Variants in PELP1 observed in about 807,000 individuals in gnomAD.
PELP1 encodes proline, glutamate and leucine rich protein 1.
Under a neutral mutation model 95.5 loss-of-function variants are expected in PELP1, and 32 were observed. That is an observed-to-expected ratio of 0.34 (90% CI 0.25 to 0.45). The LOEUF is 0.45. Ranked by LOEUF, PELP1 falls within the 20% of genes least tolerant of loss-of-function variation. PELP1 has a pLI of 1.00. For missense variants in PELP1, 1,358 were observed against 1,444.8 expected, an observed-to-expected ratio of 0.94 and a Z score of 0.97; for synonymous variants, 668 against 600.1, an observed-to-expected ratio of 1.11 and a Z score of -1.65.
intron 5 of PELP1, among the ~76,000 whole-genome samples, chr17:4,677,457 T>C (rs965306670): frequency 6.6e-6 from 1 of 152,244 alleles, no homozygotes; most frequent in Admixed American, 6.5e-5. Flanking sequence ...CCTTCACTTA[T>C]AAATGCAGAC....
rs767988567 is a variant in PELP1, at chr17:4,674,922, G to C, written c.1309C>G (p.Leu437Val). 2 of 1,613,292 alleles carry C rather than the reference G, an allele frequency of 1.2e-6. No homozygotes were observed. Among genetic ancestry groups the C allele is most frequent in the South Asian group, 1.1e-5 (1 of 91,060 alleles). ...GAGGCCCCACAAACCTGCACCCACA[G>C]CTCTAATATCGCATACACCTTGGTC... is the stretch of plus-strand genomic sequence containing the variant. ...VRTKVYAILE[L>V]WVQVCGASAG... The change falls in exon 12 of 17, where the codon CTG (leucine) becomes GTG (valine). Residue 437 changes from leucine to valine, a missense_variant. Physicochemically the swap from Leu to Val is conservative, Grantham distance 32. This residue lies in a region of PELP1 where 538 missense variants were observed against 628.1 expected (regional missense o/e 0.86). Coordinates refer to ENST00000572293, the MANE Select transcript of PELP1 (RefSeq NM_014389.3).
chr17:4,684,630 G>GA (rs397824310), intron 3 of PELP1, among the ~76,000 whole-genome samples: 3 of 378 alleles, frequency 7.9e-3, no homozygotes, highest in African/African-American at 0.011. Flanking sequence ...CCCACCACAT[G>GA]ACTCTTCCCA....
rs1232927236 is a variant in PELP1 at position 4,673,382 on chromosome 17, C to T, written c.1713G>A (p.Thr571=). Residue 571 remains threonine (T), a synonymous_variant, in exon 15 of 17, where the codon ACG becomes ACA. Coordinates refer to ENST00000572293, the MANE Select transcript of PELP1 (RefSeq NM_014389.3). This position sits in a 1 kb window ranked among gnomAD's most constrained non-coding sequence, Gnocchi z 5.7. The part of the protein sequence containing the change: ...QGEVLGSSPY[T]SSRCRRELYC... ...AGAGTTCACGGCGGCAGCGGGAGCTCGTGTACGGGGAGCTGCCTAGGACCT... is the reference window on the plus strand; with the variant it reads ...AGAGTTCACGGCGGCAGCGGGAGCTTGTGTACGGGGAGCTGCCTAGGACCT... 1.0e-5 allele frequency: 16 copies of T among 1,597,556 alleles called. No homozygotes were observed. Among genetic ancestry groups the T allele is most frequent in the Admixed American group, 1.7e-5 (1 of 57,292 alleles).
intron 7 of PELP1, 51 bp from the exon 8 acceptor site, chr17:4,676,213 CT>C: frequency 6.2e-7 from 1 of 1,602,566 alleles, no homozygotes; most frequent in Non-Finnish European, 8.5e-7. Flanking sequence ...ATCCCCTCCT[CT>C]GTCATTTCTG....
chr17:4,674,539 T>C lies in PELP1; in HGVS notation c.1553A>G (p.Asn518Ser), dbSNP rs767245206. 1 of 1,613,258 alleles carries C rather than the reference T, an allele frequency of 6.2e-7. No homozygotes were observed. The highest frequency in any genetic ancestry group is 1.1e-5 in the South Asian group (1 of 91,034). The change falls in exon 13 of 17, where the codon AAC becomes AGC. Residue 518 changes from asparagine (N) to serine (S), a missense_variant. Around this residue, in one of 7 missense-constraint regions of PELP1, gnomAD observed 538 missense variants for 628.1 expected, o/e 0.86. Coordinates refer to ENST00000572293, the MANE Select transcript of PELP1 (RefSeq NM_014389.3). ...GAGTGCAGCCGCACACACGTCGCTG[T>C]TGGCATTGCTATCCCCTTTCCGGTG... ...PSHRKGDSNANSDVCAAALRG... is the reference protein window; with the variant it reads ...PSHRKGDSNASSDVCAAALRG...
rs1233038031 is a variant in PELP1, at chr17:4,682,494, ATACT to A, written c.642+4_642+7del. 1.9e-6 allele frequency: 3 copies of A among 1,590,768 alleles called. No individual in the cohort carries two copies. The highest frequency in any genetic ancestry group is 1.7e-6 in the Non-Finnish European group (2 of 1,158,632). The stretch of plus-strand genomic sequence containing the variant: ...CACTGGTGGGGAGAAGAGTGCATAA[ATACT>A]TACTTTGAGAGAACCACAAGCCCGA... On this transcript the variant is annotated splice_donor_5th_base_variant and intron_variant, in intron 5 of 16. Coordinates refer to ENST00000572293, the MANE Select transcript of PELP1 (RefSeq NM_014389.3).
chr17:4,703,899 G>A lies in PELP1; in HGVS notation c.213C>T (p.Cys71=), dbSNP rs1468477675. Reference sequence around the variant, plus strand: ...CCACCGACCCATGCAGCCGCAATAGGCACATGAGCCCGGGCAAATGTGGGG... The same window carrying A: ...CCACCGACCCATGCAGCCGCAATAGACACATGAGCCCGGGCAAATGTGGGG... ...RSAPHLPGLM[C]LLRLHGSVGG... is the part of the protein sequence containing the mutation. Residue 71 remains cysteine (C), a synonymous_variant, in exon 1 of 17, where the codon TGC becomes TGT. Transcript: ENST00000572293. 1.9e-6 allele frequency: 3 copies of A among 1,613,170 alleles called. No homozygotes were observed. Among genetic ancestry groups the A allele is most frequent in the Non-Finnish European group, 1.7e-6 (2 of 1,179,690 alleles).
Position 4,672,273 on chromosome 17 carries a change from C to A in PELP1, c.2718G>T (p.Glu906Asp). 5 of 1,552,470 alleles carry A rather than the reference C, an allele frequency of 3.2e-6. No individual in the cohort carries two copies. The highest frequency in any genetic ancestry group is 4.4e-6 in the Non-Finnish European group (5 of 1,147,400). ...CTTCCTCTTCCTCAAAGTCTTCCTC[C>A]TCTTCCTCTTCTTCCTCTTCTTCTT... The part of the protein sequence containing the change: ...EEEEEEEEEE[E>D]EEDFEEEEED... Residue 906 changes from glutamate (E) to aspartate (D), a missense_variant, in exon 16 of 17, where the codon GAG becomes GAT. Glu to Asp is a conservative substitution (Grantham distance 45, BLOSUM62 2). Coordinates refer to ENST00000572293, the MANE Select transcript of PELP1 (RefSeq NM_014389.3).
At position 4,675,198 on chromosome 17, in the gene PELP1, G is replaced by A. The variant is rs750901509; in HGVS notation, c.1158-3C>T. On this transcript the variant is annotated splice_polypyrimidine_tract_variant and splice_region_variant and intron_variant, in intron 10 of 16. Transcript: ENST00000572293. The surrounding 1 kb of genome is among the most constrained non-coding windows in gnomAD (Gnocchi z 4.3). ...AGCGCAAGAGCCGGCTTCCACACCTGGGGCAGAGAAGGAATGGTGACCCTC... is the reference window on the plus strand; with the variant it reads ...AGCGCAAGAGCCGGCTTCCACACCTAGGGCAGAGAAGGAATGGTGACCCTC... The A allele has an allele frequency of 1.2e-6, 2 of 1,613,010 alleles. No homozygotes were observed. Among genetic ancestry groups the A allele is most frequent in the South Asian group, 1.1e-5 (1 of 90,886 alleles).
chr17:4,702,807 T>A (rs955448378), intron 1 of PELP1, among the ~76,000 whole-genome samples: 5 of 151,944 alleles, frequency 3.3e-5, no homozygotes, highest in Non-Finnish European at 7.4e-5. Flanking sequence ...TGGGGGAGGT[T>A]TAGTGGGAGA....
At position 4,674,688 on chromosome 17, in the gene PELP1, T is replaced by G. The variant is rs1371300994; in HGVS notation, c.1423-19A>C. The G allele has an allele frequency of 3.1e-6, 5 of 1,591,784 alleles. No homozygotes were observed. The highest frequency in any genetic ancestry group is 1.7e-4 in the Middle Eastern group (1 of 5,962). On this transcript the variant is annotated intron_variant, in intron 12 of 16. Coordinates refer to ENST00000572293, the MANE Select transcript of PELP1 (RefSeq NM_014389.3). ...TACGCAGCTGGAGGCAGAGAAAACA[T>G]AAATCACATCCACAGGCAAACAACA... is the stretch of plus-strand genomic sequence containing the variant.
rs1912153216 is a variant in PELP1 at position 4,670,479 on chromosome 17, C to T, written c.*960G>A. 1 of 152,296 alleles carries T rather than the reference C, an allele frequency of 6.6e-6. No individual in the cohort carries two copies. Among genetic ancestry groups the T allele is most frequent in the African/African-American group, 2.4e-5 (1 of 41,468 alleles). The allele number at this position is 152,296 out of a possible 1,614,324, so 9.4% of individuals were successfully genotyped here. Reference sequence around the variant, plus strand: ...GTGTCTCATGCTTGTGATCCCAGCACTTTGGGAGTCCAAGGCAGGTGGACC... The same window carrying T: ...GTGTCTCATGCTTGTGATCCCAGCATTTTGGGAGTCCAAGGCAGGTGGACC... On this transcript the variant is annotated 3_prime_UTR_variant, in exon 17 of 17. Coordinates refer to ENST00000572293, the MANE Select transcript of PELP1 (RefSeq NM_014389.3).
Position 4,673,309 on chromosome 17 carries a change from G to C in PELP1, c.1786C>G (p.Pro596Ala). ...LLLAPSPRCP[P>A]PLACALQAFS... ...GCTTGCAGGGCACAGGCAAGAGGAG[G>C]TGGGCAGCGAGGAGACGGGGCCAGC... is the stretch of plus-strand genomic sequence containing the variant. The change falls in exon 15 of 17, where the codon CCT (proline) becomes GCT (alanine). Residue 596 changes from proline to alanine, a missense_variant. By Grantham distance (27) the Pro-to-Ala change is conservative (BLOSUM62 -1). This residue lies in a region of PELP1 where 538 missense variants were observed against 628.1 expected (regional missense o/e 0.86). Transcript: ENST00000572293. This position sits in a 1 kb window ranked among gnomAD's most constrained non-coding sequence, Gnocchi z 5.7. 6.3e-7 allele frequency: 1 copy of C among 1,586,116 alleles called. No homozygotes were observed. Among genetic ancestry groups the C allele is most frequent in the East Asian group, 2.3e-5 (1 of 43,658 alleles).
chr17:4,682,958 GA>G lies in PELP1; in HGVS notation c.421-7del, dbSNP rs34352526. ...GTGGCAGGCGGGTCCTGGGTCTAAA[GA>G]AAAAAATAATGTCTCGTGCTTCCAG... On this transcript the variant is annotated splice_polypyrimidine_tract_variant and splice_region_variant and intron_variant, in intron 3 of 16. Transcript: ENST00000572293. 0.99 allele frequency: 1,441,707 copies of G among 1,453,130 alleles called. 715,952 individuals are homozygous for G. Among genetic ancestry groups the G allele is most frequent in the East Asian group, 1 (39,659 of 39,660 alleles). The allele number at this position is 1,453,130 out of a possible 1,614,324, so 90.0% of individuals were successfully genotyped here. A position where few individuals can be genotyped will look rare whatever the true frequency, so the allele number is the denominator to read the frequency against.
chr17:4,684,248 G>A (rs1321255027), intron 3 of PELP1, among the ~76,000 whole-genome samples: 1 of 152,106 alleles, frequency 6.6e-6, no homozygotes, highest in Non-Finnish European at 1.5e-5. Flanking sequence ...CCTCATCCCT[G>A]TCCAGTAATC....
intron 3 of PELP1, among the ~76,000 whole-genome samples, chr17:4,690,379 T>G (rs1351407677): frequency 6.6e-6 from 1 of 151,850 alleles, no homozygotes; most frequent in African/African-American, 2.4e-5. Flanking sequence ...ACTAAAGAAA[T>G]TATCCATGTA....
Position 4,672,745 on chromosome 17 carries a change from G to A in PELP1, c.2246C>T (p.Thr749Ile), listed in dbSNP as rs529623797. ...ILAPSGTPPPTIPPDETFGGR... is the reference protein window; with the variant it reads ...ILAPSGTPPPIIPPDETFGGR... Reference sequence around the variant, plus strand: ...CCCAAAAGTTTCATCTGGGGGTATAGTAGGTGGGGGAGTCCCACTAGGGGC... The same window carrying A: ...CCCAAAAGTTTCATCTGGGGGTATAATAGGTGGGGGAGTCCCACTAGGGGC... Residue 749 changes from threonine to isoleucine, a missense_variant, in exon 16 of 17, where the codon ACT (threonine) becomes ATT (isoleucine). Around this residue, in one of 7 missense-constraint regions of PELP1, gnomAD observed 340 missense variants for 322.9 expected, o/e 1.05. Coordinates refer to ENST00000572293, the MANE Select transcript of PELP1 (RefSeq NM_014389.3). 3.1e-6 allele frequency: 5 copies of A among 1,613,572 alleles called. No homozygotes were observed. Among genetic ancestry groups the A allele is most frequent in the Non-Finnish European group, 1.7e-6 (2 of 1,179,670 alleles).
Position 4,671,987 on chromosome 17 carries a change from C to A in PELP1, c.3004G>T (p.Glu1002Ter). 6.5e-7 allele frequency: 1 copy of A among 1,538,634 alleles called. No individual in the cohort carries two copies. The highest frequency in any genetic ancestry group is 8.7e-7 in the Non-Finnish European group (1 of 1,143,800). ...PPKVQPEPEPEPGLLLEVEEP... is the reference protein window; with the variant it reads ...PPKVQPEPEP Reference sequence around the variant, plus strand: ...TCCACTTCCAAAAGCAGCCCGGGTTCAGGTTCGGGTTCTGGCTGCACCTTT... The same window carrying A: ...TCCACTTCCAAAAGCAGCCCGGGTTAAGGTTCGGGTTCTGGCTGCACCTTT... Residue 1002 changes from glutamate to a stop codon, truncating the protein, a stop_gained, in exon 16 of 17, where the codon GAA (glutamate) becomes TAA (stop). Coordinates refer to ENST00000572293, the MANE Select transcript of PELP1 (RefSeq NM_014389.3). LOFTEE classifies it high-confidence loss of function.
intron 5 of PELP1, among the ~76,000 whole-genome samples, chr17:4,681,266 C>T (rs546406568): frequency 5.3e-5 from 8 of 152,306 alleles, no homozygotes; most frequent in African/African-American, 1.7e-4. Context: ...GGGAGGATCA[C>T]GTGGGGCCAG....
Sources: allele counts gnomAD v4.1 joint callset (sites outside exome capture counted in the v4.1 genomes callset), GRCh38; gene constraint gnomAD v4.1.1; regional missense constraint gnomAD v4.1.1; non-coding constraint Gnocchi (gnomAD v3.1); transcripts MANE v1.5; gene names NCBI Gene and HGNC (gene_info 2026-07-23, HGNC 2026-07-21).